The following GTF3C5 variants were observed in gnomAD, a reference collection of about 807,000 sequenced individuals.
GTF3C5 encodes the protein general transcription factor IIIC subunit 5.
GTF3C5 carries 47 observed loss-of-function variants against 61.0 expected under a neutral mutation model. That is an observed-to-expected ratio of 0.77 (90% CI 0.61 to 0.98). The LOEUF (loss-of-function observed/expected upper bound fraction) is 0.98. Ranked by LOEUF, GTF3C5 falls within the 50% of genes least tolerant of loss-of-function variation. GTF3C5 has a pLI of 0.00. For synonymous variants in GTF3C5, 295 were observed against 275.4 expected (o/e 1.07, Z -0.71); for missense variants, 659 against 703.3 (o/e 0.94, Z 0.71).
intron 6 of GTF3C5, 79 bp downstream of exon 6, chr9:133,054,021 G>A (rs1829840565): frequency 2.1e-6 from 2 of 935,246 alleles, no homozygotes; most frequent in South Asian, 1.5e-5. Context: ...TTTGTAGTAA[G>A]AATCTTTTCA....
At chr9:133,050,187 C>G (rs748217463) in intron 3 of GTF3C5, among the ~76,000 whole-genome samples, 2 of 152,102 alleles carry the variant, frequency 1.3e-5, no homozygotes, top group African/African-American at 2.4e-5. Context: ...CCAGCTCCTT[C>G]CCAGGAGCTC....
chr9:133,055,891 T>G, intron 8 of GTF3C5, 121 bp from the exon 9 acceptor site: 1 of 1,479,502 alleles, frequency 6.8e-7, no homozygotes, highest in Non-Finnish European at 9.0e-7. Flanking sequence ...CTGCCCAACC[T>G]GCTCCTGGTG....
At position 133,031,031 on chromosome 9, in the gene GTF3C5, A is replaced by AT; in HGVS notation, c.23dup (p.Leu8PhefsTer28). On this transcript the variant is annotated frameshift_variant, in exon 1 of 11. Transcript: ENST00000372097. LOFTEE classifies it high-confidence loss of function. ...ACAGGGATGGCGGCGGAGGCGGCCG[A>AT]TTTGGGGCTGGGGGCCGCCGTCCCC... is the stretch of plus-strand genomic sequence containing the variant. 1.9e-6 allele frequency: 3 copies of AT among 1,612,034 alleles called. No individual in the cohort carries two copies. In the East Asian group the frequency reaches 6.7e-5, roughly 36 times the overall value.
Position 133,055,423 on chromosome 9 carries a change from GC to G in GTF3C5, c.1168-586del, listed in dbSNP as rs757016044. The G allele has an allele frequency of 4.9e-5, 61 of 1,254,794 alleles. No individual in the cohort carries two copies. In the East Asian group the frequency reaches 1.7e-3, roughly 34 times the overall value. 77.7% of individuals were successfully genotyped at this position (1,254,794 alleles called of 1,614,324 possible). A position where few individuals can be genotyped will look rare whatever the true frequency, so the allele number is the denominator to read the frequency against. ...GACTTGCTGTCCCCCAGTGTCTGGG[GC>G]CCTGCCTATTTTCTAGGTTTTTTAG... is the stretch of plus-strand genomic sequence containing the variant. On this transcript the variant is annotated intron_variant, in intron 8 of 10. Transcript: ENST00000372097.
chr9:133,042,288 A>G lies in GTF3C5; in HGVS notation c.355A>G (p.Thr119Ala). 1 of 1,606,680 alleles carries G rather than the reference A, an allele frequency of 6.2e-7. No homozygotes were observed. The highest frequency in any genetic ancestry group is 8.5e-7 in the Non-Finnish European group (1 of 1,173,122). ...CATGGAGATCCTTGGCATCATCTCC[A>G]CCATTTACAAATTTCAGGGTAACTG... ...FDMEILGIIS[T>A]IYKFQGMSDF... is the part of the protein sequence containing the mutation. Residue 119 changes from threonine (T) to alanine (A), a missense_variant, in exon 2 of 11, where the codon ACC (threonine) becomes GCC (alanine). Physicochemically the swap from Thr to Ala is moderately conservative, Grantham distance 58. Transcript: ENST00000372097.
chr9:133,055,026 G>A (rs1279277847), intron 8 of GTF3C5: 3 of 1,551,698 alleles, frequency 1.9e-6, no homozygotes, highest in Non-Finnish European at 2.6e-6. Context: ...CGAAGAGGTG[G>A]TGACAAGTCT....
chr9:133,044,868 A>G (rs1222737466), intron 3 of GTF3C5, among the ~76,000 whole-genome samples: 1 of 151,772 alleles, frequency 6.6e-6, no homozygotes. Flanking sequence ...GAAAAGCCAC[A>G]TGGACGTGAC....
rs1192712884 is a variant in GTF3C5, at chr9:133,050,906, G to A, written c.696G>A (p.Glu232=). 8 of 1,613,908 alleles carry A rather than the reference G, an allele frequency of 5.0e-6. No individual in the cohort carries two copies. In the South Asian group the frequency reaches 7.7e-5, roughly 16 times the overall value. The change falls in exon 4 of 11, where the codon GAG becomes GAA. Residue 232 remains glutamate, a synonymous_variant. Transcript: ENST00000372097. ...AGGAGGTGCCCAAGCAGCCACTGGA[G>A]GCTGCAGCCCAGACGTGGAGGAGAG... The part of the protein sequence containing the change: ...EDEEVPKQPL[E]AAAQTWRRVC...
At chr9:133,034,890 A>T (rs556012562) in intron 1 of GTF3C5, among the ~76,000 whole-genome samples, 1 of 151,852 alleles carries the variant, frequency 6.6e-6, no homozygotes, top group Non-Finnish European at 1.5e-5. Context: ...CAACCCATAT[A>T]GCATTTCATA....
chr9:133,033,181 C>T (rs1255147789), intron 1 of GTF3C5, among the ~76,000 whole-genome samples: 1 of 152,164 alleles, frequency 6.6e-6, no homozygotes, highest in Non-Finnish European at 1.5e-5. Flanking sequence ...TATTTGATTA[C>T]AAGCCTTAAA....
intron 6 of GTF3C5, 91 bp from the exon 7 acceptor site, chr9:133,054,310 GGCCCCAT>G (rs1364792965): frequency 4.1e-6 from 4 of 981,648 alleles, no homozygotes; most frequent in Non-Finnish European, 6.4e-6. Flanking sequence ...CTCAGGAGCT[GGCCCCAT>G]GGACCCAACT....
Position 133,058,265 on chromosome 9 carries a change from G to T in GTF3C5, c.*285G>T. On this transcript the variant is annotated 3_prime_UTR_variant, in exon 11 of 11. Coordinates refer to ENST00000372097, the MANE Select transcript of GTF3C5 (RefSeq NM_012087.4). ...TCCAGCCAGTGAGTGGGCACCCAATGCCTCTCAGGATGAGACCAGTAAATG... is the reference window on the plus strand; with the variant it reads ...TCCAGCCAGTGAGTGGGCACCCAATTCCTCTCAGGATGAGACCAGTAAATG... 1 of 738,610 alleles carries T rather than the reference G, an allele frequency of 1.4e-6. No individual in the cohort carries two copies. The highest frequency in any genetic ancestry group is 1.8e-6 in the Non-Finnish European group (1 of 546,772). The allele number at this position is 738,610 out of a possible 1,614,324, so 45.8% of individuals were successfully genotyped here.
At chr9:133,042,818 A>G (rs1307867635) in intron 2 of GTF3C5, among the ~76,000 whole-genome samples, 3 of 152,220 alleles carry the variant, frequency 2.0e-5, no homozygotes, top group African/African-American at 7.2e-5. Context: ...TGAGAAAGAC[A>G]GACTCTGGCA....
Position 133,054,791 on chromosome 9 carries a change from C to T in GTF3C5, c.1149C>T (p.Ser383=), listed in dbSNP as rs1260604445. The change falls in exon 8 of 11, where the codon TCC becomes TCT. Residue 383 remains serine, a synonymous_variant. Transcript: ENST00000372097. ...SGTSGARKPA[S]SKYKLKDSVY... The stretch of plus-strand genomic sequence containing the variant: ...CGAGTGGTGCTCGGAAACCAGCTTC[C>T]AGCAAGTACAAGCTCAAGGTGGGCG... The T allele has an allele frequency of 6.3e-7, 1 of 1,578,136 alleles. No individual in the cohort carries two copies.
rs151138642 is a variant in GTF3C5 at position 133,049,305 on chromosome 9, A to G, written c.573-1478A>G. 2.7e-4 allele frequency among the ~76,000 whole-genome samples: 41 copies of G among 152,320 alleles called. No individual in the cohort carries two copies. In the East Asian group the frequency reaches 2.9e-3, roughly 11 times the overall value. Reference sequence around the variant, plus strand: ...GGTGACCACCCGGTTTTCCTGGGGAACATCTTTGAAAACGCGATAGTGCTG... The same window carrying G: ...GGTGACCACCCGGTTTTCCTGGGGAGCATCTTTGAAAACGCGATAGTGCTG... On this transcript the variant is annotated intron_variant, in intron 3 of 10. Transcript: ENST00000372097.
At position 133,050,907 on chromosome 9, in the gene GTF3C5, G is replaced by T. The variant is rs373415016; in HGVS notation, c.697G>T (p.Ala233Ser). The change falls in exon 4 of 11, where the codon GCT (alanine) becomes TCT (serine). Residue 233 changes from alanine to serine, a missense_variant. Coordinates refer to ENST00000372097, the MANE Select transcript of GTF3C5 (RefSeq NM_012087.4). ...GGAGGTGCCCAAGCAGCCACTGGAG[G>T]CTGCAGCCCAGACGTGGAGGAGAGT... ...DEEVPKQPLE[A>S]AAQTWRRVCT... is the part of the protein sequence containing the mutation. 7 of 1,613,636 alleles carry T rather than the reference G, an allele frequency of 4.3e-6. No homozygotes were observed. The highest frequency in any genetic ancestry group is 5.9e-6 in the Non-Finnish European group (7 of 1,179,878).
At chr9:133,034,287 C>A (rs1849807705) in intron 1 of GTF3C5, among the ~76,000 whole-genome samples, 1 of 152,122 alleles carries the variant, frequency 6.6e-6, no homozygotes, top group Admixed American at 6.5e-5. Flanking sequence ...ACCACAGGGG[C>A]CCTTTAAGGC....
Position 133,057,710 on chromosome 9 carries a change from G to A in GTF3C5, c.1394-104G>A, listed in dbSNP as rs569331769. 172 of 1,091,898 alleles carry A rather than the reference G, an allele frequency of 1.6e-4. 1 individual carries two copies. The highest frequency in any genetic ancestry group is 1.2e-3 in the South Asian group (75 of 60,780). The allele number at this position is 1,091,898 out of a possible 1,614,324, so 67.6% of individuals were successfully genotyped here. On this transcript the variant is annotated intron_variant, in intron 10 of 10. Coordinates refer to ENST00000372097, the MANE Select transcript of GTF3C5 (RefSeq NM_012087.4). The stretch of plus-strand genomic sequence containing the variant: ...ACCAGCTTCTTAAGAGCTCGAGCTC[G>A]GACCCTTATAGTAGTAAACAGGCTC...
intron 1 of GTF3C5, among the ~76,000 whole-genome samples, chr9:133,039,407 A>AT (rs1176225682): frequency 6.6e-6 from 1 of 151,654 alleles, no homozygotes; most frequent in East Asian, 1.9e-4. Context: ...CTTTATTTTT[A>AT]TTTTTTTATT....
Sources: allele counts gnomAD v4.1 joint callset (sites outside exome capture counted in the v4.1 genomes callset), GRCh38; gene constraint gnomAD v4.1.1; transcripts MANE v1.5; gene names NCBI Gene and HGNC (gene_info 2026-07-23, HGNC 2026-07-21).